The following TPRG1 variants were observed in gnomAD, a reference collection of about 807,000 sequenced individuals.
The protein encoded by TPRG1 is tumor protein p63 regulated 1.
TPRG1 carries 29 observed loss-of-function variants against 29.3 expected under a neutral mutation model. That is an observed-to-expected ratio of 0.99 (90% CI 0.74 to 1.35). The LOEUF is 1.35. Among genes scored for constraint, TPRG1 ranks in the 40% most tolerant of loss-of-function variants. TPRG1 has a pLI of 0.00. For synonymous variants in TPRG1, 130 were observed against 116.8 expected, an observed-to-expected ratio of 1.11 and a Z score of -0.73; for missense variants, 327 against 335.0, an observed-to-expected ratio of 0.98 and a Z score of 0.19.
At chr3:189,217,831 G>A (rs1736301739) in intron 3 of TPRG1, 6 of 985,242 alleles carry the variant, frequency 6.1e-6, no homozygotes, top group South Asian at 4.7e-5. Flanking sequence ...GATTTAAATG[G>A]CCTTTCATAT....
chr3:189,250,513 C>CA lies in TPRG1; in HGVS notation c.479+11604_479+11605insA, dbSNP rs1553931579. On this transcript the variant is annotated intron_variant, in intron 4 of 5. Transcript: ENST00000345063. ...ACAAGTTCTGATTTCCGCCCCCCCC[C>CA]CCCCACCCAGATTAAAGCTTTTGTT... Among the ~76,000 whole-genome samples, 2 of 88,738 alleles carry CA rather than the reference C, an allele frequency of 2.3e-5. 1 individual carries two copies. Among genetic ancestry groups the CA allele is most frequent in the Non-Finnish European group, 4.3e-5 (2 of 46,812 alleles). 58.2% of individuals were successfully genotyped at this position (88,738 alleles called of 152,430 possible). A position where few individuals can be genotyped will look rare whatever the true frequency, so the allele number is the denominator to read the frequency against.
At chr3:189,224,970 T>C (rs1240702346) in intron 3 of TPRG1, among the ~76,000 whole-genome samples, 98 of 150,794 alleles carry the variant, frequency 6.5e-4, no homozygotes, top group Non-Finnish European at 9.6e-4. Context: ...CTCGCTCTGT[T>C]GCCCAGGCTG....
chr3:189,009,529 A>T (rs1712484129), intron 3 of TPRG1, among the ~76,000 whole-genome samples: 1 of 152,130 alleles, frequency 6.6e-6, no homozygotes, highest in Admixed American at 6.6e-5. Flanking sequence ...TTCCCCTCCA[A>T]TTGTAAAAGT....
At chr3:189,206,831 ACG>A (rs1463694219) in intron 1 of TPRG1, among the ~76,000 whole-genome samples, 4 of 51,866 alleles carry the variant, frequency 7.7e-5, no homozygotes, top group South Asian at 7.5e-4. Context: ...GTGTGTGTGC[ACG>A]CGTGTATGCA....
At chr3:189,244,656 T>A (rs1312033719) in intron 4 of TPRG1, among the ~76,000 whole-genome samples, 1 of 152,094 alleles carries the variant, frequency 6.6e-6, no homozygotes, top group Non-Finnish European at 1.5e-5. Context: ...ACCAAGAGGA[T>A]GGCATTAAAC....
chr3:189,175,216 A>T (rs1729323714), intron 1 of TPRG1, among the ~76,000 whole-genome samples: 2 of 152,342 alleles, frequency 1.3e-5, no homozygotes, highest in East Asian at 3.9e-4. Flanking sequence ...ATTTATGGCA[A>T]CTAGGTAGGT....
At chr3:189,027,775 G>C (rs1713737397) in intron 4 of TPRG1, among the ~76,000 whole-genome samples, 1 of 152,112 alleles carries the variant, frequency 6.6e-6, no homozygotes, top group South Asian at 2.1e-4. Flanking sequence ...AGGAAAAGTT[G>C]TTCCAAATTG....
At chr3:189,253,157 T>C (rs1483479218) in intron 4 of TPRG1, among the ~76,000 whole-genome samples, 1 of 152,186 alleles carries the variant, frequency 6.6e-6, no homozygotes, top group Admixed American at 6.5e-5. Flanking sequence ...CAACCCATCA[T>C]CTACATTAGG....
At chr3:189,128,556 T>C (rs778861004) in intron 2 of TPRG1, among the ~76,000 whole-genome samples, 10 of 152,104 alleles carry the variant, frequency 6.6e-5, no homozygotes, top group Non-Finnish European at 1.2e-4. Flanking sequence ...GGTCAAAGAG[T>C]TAAGAAGTAA....
At chr3:189,236,309 C>T (rs1423231356) in intron 3 of TPRG1, among the ~76,000 whole-genome samples, 1 of 152,152 alleles carries the variant, frequency 6.6e-6, no homozygotes, top group African/African-American at 2.4e-5. Context: ...TAAAACCATT[C>T]AACCAAAAGC....
chr3:189,232,660 G>A (rs906544560), intron 3 of TPRG1, among the ~76,000 whole-genome samples: 1 of 152,160 alleles, frequency 6.6e-6, no homozygotes, highest in African/African-American at 2.4e-5. Flanking sequence ...GGATAGTGGG[G>A]GGAAAAGTGA....
At chr3:189,296,134 T>C (rs1719881285) in intron 4 of TPRG1, among the ~76,000 whole-genome samples, 1 of 152,222 alleles carries the variant, frequency 6.6e-6, no homozygotes, top group Non-Finnish European at 1.5e-5. Context: ...GCCTTGAGCA[T>C]TTAGCCTAAA....
chr3:188,997,296 G>C (rs1327681273), intron 1 of TPRG1, among the ~76,000 whole-genome samples: 3 of 151,978 alleles, frequency 2.0e-5, no homozygotes, highest in African/African-American at 7.2e-5. Context: ...TAATTTCTAA[G>C]CTGAGAAGCA....
chr3:189,117,578 G>C (rs1337653126), intron 1 of TPRG1, among the ~76,000 whole-genome samples: 2 of 152,194 alleles, frequency 1.3e-5, no homozygotes, highest in Non-Finnish European at 2.9e-5. Context: ...ATCTTGAGTT[G>C]TAATCATCAC....
At chr3:189,175,780 A>G (rs1729410688) in intron 1 of TPRG1, among the ~76,000 whole-genome samples, 1 of 152,234 alleles carries the variant, frequency 6.6e-6, no homozygotes, top group African/African-American at 2.4e-5. Flanking sequence ...TATAAGACTC[A>G]TTTAAAAATA....
At chr3:189,003,046 T>C (rs549878360) in intron 2 of TPRG1, among the ~76,000 whole-genome samples, 36 of 152,188 alleles carry the variant, frequency 2.4e-4, no homozygotes, top group Non-Finnish European at 5.0e-4. Context: ...GACTGAAATA[T>C]GAGCTCGGCT....
intron 3 of TPRG1, among the ~76,000 whole-genome samples, chr3:189,234,748 G>C (rs901959551): frequency 6.6e-6 from 1 of 152,286 alleles, no homozygotes; most frequent in Admixed American, 6.5e-5. Flanking sequence ...TGTATTTTCA[G>C]AGTTTACAGT....
chr3:189,095,546 T>G (rs1290446715), upstream of TPRG1, among the ~76,000 whole-genome samples: 2 of 152,198 alleles, frequency 1.3e-5, no homozygotes, highest in Non-Finnish European at 2.9e-5. Context: ...AAAAATCTCT[T>G]GAATTACTCT....
chr3:189,273,301 A>G (rs912451049), intron 4 of TPRG1, among the ~76,000 whole-genome samples: 1 of 152,170 alleles, frequency 6.6e-6, no homozygotes, highest in African/African-American at 2.4e-5. Flanking sequence ...TAAAATCTCA[A>G]TTCCAGTATG....
Sources: allele counts gnomAD v4.1 joint callset (sites outside exome capture counted in the v4.1 genomes callset), GRCh38; gene constraint gnomAD v4.1.1; transcripts MANE v1.5; gene names NCBI Gene and HGNC (gene_info 2026-07-23, HGNC 2026-07-21).